AGAP6: variants seen among roughly 807,000 people sequenced by gnomAD.
AGAP6 encodes arf-GAP with GTPase, ANK repeat and PH domain-containing protein 6.
Under a neutral mutation model 63.9 loss-of-function variants are expected in AGAP6, and 29 were observed. That is an observed-to-expected ratio of 0.45 (90% CI 0.34 to 0.62). The LOEUF (loss-of-function observed/expected upper bound fraction) is 0.62, where lower values mean the gene tolerates loss of function less well. Among genes scored for constraint, AGAP6 ranks in the 20% least tolerant of loss-of-function variants. The pLI, the probability that AGAP6 is intolerant of heterozygous loss-of-function variation, is 0.01. For missense variants in AGAP6, 493 were observed against 884.9 expected, an observed-to-expected ratio of 0.56 and a Z score of 5.62; for synonymous variants, 199 against 332.9, an observed-to-expected ratio of 0.60 and a Z score of 4.38.
At chr10:50,007,265 G>T (rs1841942335) in intron 6 of AGAP6, among the ~76,000 whole-genome samples, 1 of 134,640 alleles carries the variant, frequency 7.4e-6, no homozygotes, top group Non-Finnish European at 1.6e-5. Flanking sequence ...GGTGGCAGGT[G>T]CCTGTAATCC....
In AGAP6 at chr10:49,993,715, G is replaced by C. The variant is rs557738462; in HGVS notation, c.362-680G>C. 1.0e-3 allele frequency among the ~76,000 whole-genome samples: 153 copies of C among 151,966 alleles called. 2 individuals are homozygous for C. The South Asian group carries it at 0.031, about 31-fold the overall frequency. On this transcript the variant is annotated intron_variant, in intron 3 of 7. Coordinates refer to ENST00000412531, the MANE Select transcript of AGAP6 (RefSeq NM_001077665.3). ...TGTGCCTGTACTCCCAGCTAATCAG[G>C]AGGCTAAGGCTGAAGAATTGGTTGA...
chr10:49,991,508 G>A (rs1554860885), intron 2 of AGAP6, among the ~76,000 whole-genome samples, 168 bp from the exon 3 acceptor site: 1 of 150,780 alleles, frequency 6.6e-6, no homozygotes, highest in Non-Finnish European at 1.5e-5. Context: ...GGGACTACAA[G>A]CATGTGCCAT....
rs550028774 is a variant in AGAP6 at position 49,991,634 on chromosome 10, A to C, written c.293-42A>C. 25 of 1,594,030 alleles carry C rather than the reference A, an allele frequency of 1.6e-5. No homozygotes were observed. In the African/African-American group the frequency reaches 3.1e-4, roughly 20 times the overall value. ...ATAAACGAGTTGATAAATTTTTATC[A>C]ATGATTACATCTTTTTTTCTTTTCT... On this transcript the variant is annotated intron_variant, in intron 2 of 7. Transcript: ENST00000412531.
chr10:50,008,871 G>A lies in AGAP6; in HGVS notation c.746G>A (p.Arg249His), dbSNP rs199714140. Residue 249 changes from arginine (R) to histidine (H), a missense_variant, in exon 8 of 8, where the codon CGC (arginine) becomes CAC (histidine). Transcript: ENST00000412531. ...ACGCCCGTTTGCAAGCGGTCCATGC[G>A]CTGGTCCAACCTGTTTACATCTGAG... ...TPTPVCKRSM[R>H]WSNLFTSEKG... is the part of the protein sequence containing the mutation. The A allele has an allele frequency of 9.5e-3, 15,331 of 1,613,874 alleles. 98 individuals carry two copies. The highest frequency in any genetic ancestry group is 0.011 in the Non-Finnish European group (13,424 of 1,179,904).
At chr10:49,991,966 A>G (rs1163530381) in intron 3 of AGAP6, among the ~76,000 whole-genome samples, 1 of 152,174 alleles carries the variant, frequency 6.6e-6, no homozygotes, top group African/African-American at 2.4e-5. Flanking sequence ...TTTTATCAAC[A>G]CAATTAATTT....
rs782390437 is a variant in AGAP6 at position 50,009,087 on chromosome 10, A to C, written c.962A>C (p.Asp321Ala). Reference sequence around the variant, plus strand: ...CTCACCTATTATTCAAGCTTAGGTGATTATATGAAGAATATTCATAAAAAA... The same window carrying C: ...CTCACCTATTATTCAAGCTTAGGTGCTTATATGAAGAATATTCATAAAAAA... ...GMLTYYSSLGDYMKNIHKKEI... is the reference protein window; with the variant it reads ...GMLTYYSSLGAYMKNIHKKEI... Residue 321 changes from aspartate to alanine, a missense_variant, in exon 8 of 8, where the codon GAT becomes GCT. By Grantham distance (126) the Asp-to-Ala change is moderately radical. Around this residue, in one of 7 missense-constraint regions of AGAP6, gnomAD observed 342 missense variants for 533.4 expected, o/e 0.64. Coordinates refer to ENST00000412531, the MANE Select transcript of AGAP6 (RefSeq NM_001077665.3). 6.2e-7 allele frequency: 1 copy of C among 1,613,698 alleles called. No homozygotes were observed. Among genetic ancestry groups the C allele is most frequent in the Non-Finnish European group, 8.5e-7 (1 of 1,179,930 alleles).
At chr10:49,990,557 A>C (rs1841230674) in intron 2 of AGAP6, among the ~76,000 whole-genome samples, 1 of 152,236 alleles carries the variant, frequency 6.6e-6, no homozygotes, top group African/African-American at 2.4e-5. Context: ...TGCCTCAAAA[A>C]TTTTGCAAAG....
chr10:50,003,922 T>C (rs1276593751), intron 5 of AGAP6, among the ~76,000 whole-genome samples: 7 of 152,244 alleles, frequency 4.6e-5, no homozygotes, highest in Admixed American at 2.6e-4. Flanking sequence ...TATAGACATA[T>C]CCATCTCACA....
chr10:50,004,435 GTTAT>G, intron 5 of AGAP6, among the ~76,000 whole-genome samples: 1 of 150,664 alleles, frequency 6.6e-6, no homozygotes, highest in Non-Finnish European at 1.5e-5. Context: ...AGGGAAATCT[GTTAT>G]TATTTATATA....
intron 6 of AGAP6, among the ~76,000 whole-genome samples, chr10:50,006,969 C>G (rs1554864004): frequency 1.3e-5 from 2 of 151,664 alleles, no homozygotes; most frequent in Non-Finnish European, 1.5e-5. Context: ...GAGAAACCAG[C>G]CATTGTACCC....
chr10:50,004,190 A>AC (rs369943932), intron 5 of AGAP6, among the ~76,000 whole-genome samples: 1,799 of 70,940 alleles, frequency 0.025, 41 homozygotes, highest in African/African-American at 0.087. Flanking sequence ...CACCCACCCC[A>AC]CCCCCCCAAA....
At chr10:49,993,389 G>C (rs1841358566) in intron 3 of AGAP6, among the ~76,000 whole-genome samples, 1 of 152,202 alleles carries the variant, frequency 6.6e-6, no homozygotes, top group Non-Finnish European at 1.5e-5. Context: ...CAAAGGCAGA[G>C]GCAGTGTAGG....
At chr10:49,995,994 T>G (rs1384266704) in intron 4 of AGAP6, among the ~76,000 whole-genome samples, 4 of 152,124 alleles carry the variant, frequency 2.6e-5, no homozygotes, top group Non-Finnish European at 5.9e-5. Context: ...TCTTTTCATT[T>G]TATTGAGGCT....
rs1391479737 is a variant in AGAP6, at chr10:49,989,141, G to A, written c.224-167G>A. ...CACCGAGTCCAGTCAGTTTCTTTTC[G>A]CCTCCCCTCCCAATCGCCCAGTTCT... is the stretch of plus-strand genomic sequence containing the variant. On this transcript the variant is annotated intron_variant, in intron 1 of 7. Transcript: ENST00000412531. 1.0e-4 allele frequency among the ~76,000 whole-genome samples: 15 copies of A among 150,446 alleles called. 1 individual carries two copies. The highest frequency in any genetic ancestry group is 8.5e-4 in the South Asian group (4 of 4,698).
intron 5 of AGAP6, among the ~76,000 whole-genome samples, chr10:50,003,373 T>C (rs1253333328): frequency 1.2e-4 from 18 of 151,728 alleles, no homozygotes; most frequent in Admixed American, 9.2e-4. Flanking sequence ...CTGAGATCAC[T>C]TATGCAAGGT....
In AGAP6 at chr10:50,009,565, G is replaced by A. The variant is rs782758890; in HGVS notation, c.1440G>A (p.Val480=). ...IQNMRGNAHC[V]DCETQNPKWA... is the part of the protein sequence containing the mutation. The stretch of plus-strand genomic sequence containing the variant: ...ACATGCGTGGGAACGCCCACTGTGT[G>A]GACTGTGAGACCCAGAATCCTAAGT... The change falls in exon 8 of 8, where the codon GTG becomes GTA. Residue 480 remains valine, a synonymous_variant. Transcript: ENST00000412531. 6.2e-6 allele frequency: 10 copies of A among 1,613,860 alleles called. No individual in the cohort carries two copies. In the African/African-American group the frequency reaches 1.3e-4, roughly 22 times the overall value.
At chr10:49,994,589 C>T (rs1229495529) in intron 4 of AGAP6, among the ~76,000 whole-genome samples, 160 bp downstream of exon 4, 2 of 152,066 alleles carry the variant, frequency 1.3e-5, no homozygotes, top group Non-Finnish European at 2.9e-5. Flanking sequence ...TAAATTTATC[C>T]AGAAAAGTGT....
intron 2 of AGAP6, 50 bp from the exon 3 acceptor site, chr10:49,991,626 T>C (rs1392081530): frequency 6.3e-7 from 1 of 1,592,998 alleles, no homozygotes. Flanking sequence ...AGTTGATAAA[T>C]TTTTATCAAT....
intron 4 of AGAP6, among the ~76,000 whole-genome samples, chr10:49,994,863 G>A (rs1403029573): frequency 2.6e-5 from 4 of 151,242 alleles, no homozygotes; most frequent in African/African-American, 7.3e-5. Context: ...TCAGGAGGCT[G>A]AGGCAGGAGA....
Sources: allele counts gnomAD v4.1 joint callset (sites outside exome capture counted in the v4.1 genomes callset), GRCh38; gene constraint gnomAD v4.1.1; regional missense constraint gnomAD v4.1.1; transcripts MANE v1.5; gene names NCBI Gene and HGNC (gene_info 2026-07-23, HGNC 2026-07-21).